The following TCAF2 variants were observed in gnomAD, a reference collection of about 807,000 sequenced individuals.
The protein encoded by TCAF2 is TRPM8 channel associated factor 2.
Under a neutral mutation model 33.9 loss-of-function variants are expected in TCAF2, and 6 were observed. The observed-to-expected ratio is 0.18, with a 90% confidence interval of 0.10 to 0.35. The LOEUF is 0.35. TCAF2 is among the 10% of genes least tolerant of loss of function. The probability of loss-of-function intolerance (pLI) is 1.00; values close to 1 mark genes in which losing one functional copy is unlikely to be tolerated. For synonymous variants in TCAF2, 41 were observed against 247.8 expected (o/e 0.17, Z 7.84); for missense variants, 109 against 604.0 (o/e 0.18, Z 8.59).
At chr7:143,647,950 C>T (rs377270102) in intron 1 of TCAF2, among the ~76,000 whole-genome samples, 35,497 of 129,068 alleles carry the variant, frequency 0.28, 5,241 homozygotes, top group African/African-American at 0.55. Flanking sequence ...GATGGAGTTT[C>T]GCTCTGTCGC....
chr7:143,729,399 A>T lies in TCAF2; in HGVS notation c.*1732A>T, dbSNP rs1431601843. On this transcript the variant is annotated 3_prime_UTR_variant, in exon 8 of 8. Coordinates refer to ENST00000684770, the MANE Select transcript of TCAF2 (RefSeq NM_001363538.2). ...AAACAAAATGTCACCTAGAAAATAG[A>T]TGAAAATATGTTCAACCAGGTCTGG... 1 of 152,186 alleles carries T rather than the reference A, an allele frequency of 6.6e-6. No individual in the cohort carries two copies. The highest frequency in any genetic ancestry group is 2.4e-5 in the African/African-American group (1 of 41,434). 9.4% of individuals were successfully genotyped at this position (152,186 alleles called of 1,614,324 possible).
Position 143,728,845 on chromosome 7 carries a change from G to GTGTA in TCAF2, c.*1181_*1184dup, listed in dbSNP as rs1461722710. The stretch of plus-strand genomic sequence containing the variant: ...GGAGATTTGTCTCTGGGATTAATGA[G>GTGTA]TGTATGCCTAGCTACTTTCTCCAGT... On this transcript the variant is annotated 3_prime_UTR_variant, in exon 8 of 8. Transcript: ENST00000684770. The GTGTA allele has an allele frequency of 3.9e-5, 6 of 152,222 alleles. No homozygotes were observed. The highest frequency in any genetic ancestry group is 1.4e-4 in the African/African-American group (6 of 41,460). 9.4% of individuals were successfully genotyped at this position (152,222 alleles called of 1,614,324 possible).
Position 143,724,673 on chromosome 7 carries a change from G to GA in TCAF2, c.2482dup (p.Thr828AsnfsTer24). 1 of 1,607,214 alleles carries GA rather than the reference G, an allele frequency of 6.2e-7. No homozygotes were observed. Among genetic ancestry groups the GA allele is most frequent in the Non-Finnish European group, 8.5e-7 (1 of 1,178,222 alleles). ...CCCCCCTGTGTGACTGGAATGTATG[G>GA]ACAGCCCTGGAAACATATCTACAGG... On this transcript the variant is annotated frameshift_variant, in exon 7 of 8. Coordinates refer to ENST00000684770, the MANE Select transcript of TCAF2 (RefSeq NM_001363538.2). LOFTEE classifies it low-confidence loss of function (END_TRUNC).
In TCAF2 at chr7:143,624,707, T is replaced by C. The variant is rs372041859; in HGVS notation, c.-12+3687T>C. Among the ~76,000 whole-genome samples the C allele has an allele frequency of 3.3e-3, 154 of 47,166 alleles. 5 individuals carry two copies. Among genetic ancestry groups the C allele is most frequent in the East Asian group, 8.7e-3 (4 of 462 alleles). 30.9% of individuals were successfully genotyped at this position (47,166 alleles called of 152,430 possible). A position where few individuals can be genotyped will look rare whatever the true frequency, so the allele number is the denominator to read the frequency against. On this transcript the variant is annotated intron_variant, in intron 1 of 7. Transcript: ENST00000684770. ...GCATGAAAGAATATTTGTTTGTTTG[T>C]GTGAGCACCGATTGTTGATCATGCT...
In TCAF2 at chr7:143,728,494, G is replaced by A. The variant is rs149321451; in HGVS notation, c.*827G>A. On this transcript the variant is annotated 3_prime_UTR_variant, in exon 8 of 8. Coordinates refer to ENST00000684770, the MANE Select transcript of TCAF2 (RefSeq NM_001363538.2). ...CTGAGTGTCACAGAGCTGTGAGGTT[G>A]GGTCTTTGGGATTAGCTTCATTTTC... The A allele has an allele frequency of 2.6e-5, 4 of 152,322 alleles. No homozygotes were observed. The highest frequency in any genetic ancestry group is 5.9e-5 in the Non-Finnish European group (4 of 68,062). 9.4% of individuals were successfully genotyped at this position (152,322 alleles called of 1,614,324 possible). A position where few individuals can be genotyped will look rare whatever the true frequency, so the allele number is the denominator to read the frequency against.
chr7:143,701,752 TTTTATTTTAC>T lies in TCAF2; in HGVS notation c.-11-1222_-11-1213del, dbSNP rs1199575261. Reference sequence around the variant, plus strand: ...ATTTTTAGACATATTCTTTGCTTTATTTTATTTTACTTTATTTTATTTTATTTTATTTTAT... The same window carrying T: ...ATTTTTAGACATATTCTTTGCTTTATTTTATTTTATTTTATTTTATTTTAT... On this transcript the variant is annotated intron_variant, in intron 1 of 7. Transcript: ENST00000684770. Among the ~76,000 whole-genome samples, 17 of 85,464 alleles carry T rather than the reference TTTTATTTTAC, an allele frequency of 2.0e-4. 1 individual carries two copies. The highest frequency in any genetic ancestry group is 6.5e-4 in the African/African-American group (14 of 21,386). The allele number at this position is 85,464 out of a possible 152,430, so 56.1% of individuals were successfully genotyped here. A position where few individuals can be genotyped will look rare whatever the true frequency, so the allele number is the denominator to read the frequency against.
intron 1 of TCAF2, among the ~76,000 whole-genome samples, chr7:143,635,214 T>C (rs1808920642): frequency 5.3e-5 from 1 of 18,902 alleles, no homozygotes; most frequent in African/African-American, 1.7e-4. Context: ...TTAGATGTTT[T>C]ACCTTCAATA....
intron 1 of TCAF2, among the ~76,000 whole-genome samples, chr7:143,622,573 C>T (rs537589478): frequency 0.026 from 938 of 36,354 alleles, 113 homozygotes; most frequent in African/African-American, 0.065. Flanking sequence ...TTTTATTTTA[C>T]TTTACTTTAT....
chr7:143,648,557 T>C (rs376422346), intron 1 of TCAF2, among the ~76,000 whole-genome samples: 61,102 of 103,298 alleles, frequency 0.59, 18,387 homozygotes, highest in South Asian at 0.74. Flanking sequence ...GTAGTTCTGA[T>C]CTAGGAACAC....
Position 143,701,747 on chromosome 7 carries a change from CTTTATTTTATTTTACTTTAT to C in TCAF2, c.-11-1222_-11-1203del, listed in dbSNP as rs1563171975. On this transcript the variant is annotated intron_variant, in intron 1 of 7. Coordinates refer to ENST00000684770, the MANE Select transcript of TCAF2 (RefSeq NM_001363538.2). ...AAGGCATTTTTAGACATATTCTTTGCTTTATTTTATTTTACTTTATTTTATTTTATTTTATTTTATTTTAT... is the reference window on the plus strand; with the variant it reads ...AAGGCATTTTTAGACATATTCTTTGCTTTATTTTATTTTATTTTATTTTAT... Among the ~76,000 whole-genome samples, 264 of 86,428 alleles carry C rather than the reference CTTTATTTTATTTTACTTTAT, an allele frequency of 3.1e-3. 20 individuals are homozygous for C. Among genetic ancestry groups the C allele is most frequent in the African/African-American group, 0.011 (247 of 23,316 alleles). The allele number at this position is 86,428 out of a possible 152,430, so 56.7% of individuals were successfully genotyped here.
chr7:143,718,223 CATTT>C (rs1275198899), intron 2 of TCAF2, among the ~76,000 whole-genome samples: 1 of 94,444 alleles, frequency 1.1e-5, no homozygotes, highest in Admixed American at 1.3e-4. Context: ...AAAAATATAA[CATTT>C]AATTTTTAAT....
In TCAF2 at chr7:143,719,734, A is replaced by C; in HGVS notation, c.675A>C (p.Ser225=). The change falls in exon 3 of 8, where the codon TCA becomes TCC. Residue 225 remains serine, a synonymous_variant. Transcript: ENST00000684770. ...AGCAGCAGCTCCTGGAGGGGATCTC[A>C]GAGCTGGACATCAGGACAGGGGGAG... The part of the protein sequence containing the change: ...QDQQQLLEGI[S]ELDIRTGGVP... 1.5e-6 allele frequency: 1 copy of C among 682,924 alleles called. No homozygotes were observed. 42.3% of individuals were successfully genotyped at this position (682,924 alleles called of 1,614,324 possible).
rs542728413 is a variant in TCAF2, at chr7:143,728,169, A to G, written c.*502A>G. ...GTGTTTCTGTCTTCACATCCATGACATGAGGATACAAATCTTTTCCTCACA... is the reference window on the plus strand; with the variant it reads ...GTGTTTCTGTCTTCACATCCATGACGTGAGGATACAAATCTTTTCCTCACA... On this transcript the variant is annotated 3_prime_UTR_variant, in exon 8 of 8. Transcript: ENST00000684770. 1.3e-3 allele frequency: 237 copies of G among 186,680 alleles called. 1 individual carries two copies. Among genetic ancestry groups the G allele is most frequent in the African/African-American group, 5.4e-3 (227 of 41,894 alleles). The allele number at this position is 186,680 out of a possible 1,614,324, so 11.6% of individuals were successfully genotyped here.
At position 143,650,024 on chromosome 7, in the gene TCAF2, T is replaced by G. The variant is rs181757832; in HGVS notation, c.-12+29004T>G. Among the ~76,000 whole-genome samples, 217 of 61,244 alleles carry G rather than the reference T, an allele frequency of 3.5e-3. 15 individuals are homozygous for G. The highest frequency in any genetic ancestry group is 7.8e-3 in the African/African-American group (211 of 26,920). 40.2% of individuals were successfully genotyped at this position (61,244 alleles called of 152,430 possible). A position where few individuals can be genotyped will look rare whatever the true frequency, so the allele number is the denominator to read the frequency against. On this transcript the variant is annotated intron_variant, in intron 1 of 7. Coordinates refer to ENST00000684770, the MANE Select transcript of TCAF2 (RefSeq NM_001363538.2). Reference sequence around the variant, plus strand: ...CTGGGAGAGTCTGTGGTCCCCATTTTTCCGCTGAGCAAACCACAGGCTTGT... The same window carrying G: ...CTGGGAGAGTCTGTGGTCCCCATTTGTCCGCTGAGCAAACCACAGGCTTGT...
At chr7:143,722,144 A>ATTTTTTAATGATACG (rs1809577531) in intron 4 of TCAF2, among the ~76,000 whole-genome samples, 1 of 18,300 alleles carries the variant, frequency 5.5e-5, no homozygotes, top group African/African-American at 1.8e-4. Context: ...ACCTAAGAAA[A>ATTTTTTAATGATACG]GCAACTCCAG....
chr7:143,707,614 GA>G, intron 2 of TCAF2, among the ~76,000 whole-genome samples: 1 of 127,244 alleles, frequency 7.9e-6, no homozygotes, highest in South Asian at 2.7e-4. Context: ...TGAAAACCTG[GA>G]AAGGCAAATT....
chr7:143,730,196 A>C lies in TCAF2; in HGVS notation c.*2529A>C, dbSNP rs1196337673. On this transcript the variant is annotated 3_prime_UTR_variant, in exon 8 of 8. Coordinates refer to ENST00000684770, the MANE Select transcript of TCAF2 (RefSeq NM_001363538.2). ...AGGAATCATCACATTGTCTTCCACA[A>C]TGGTTGAACTAATTTACACTCCCAA... 2 of 152,116 alleles carry C rather than the reference A, an allele frequency of 1.3e-5. No homozygotes were observed. Among genetic ancestry groups the C allele is most frequent in the African/African-American group, 4.8e-5 (2 of 41,414 alleles). 9.4% of individuals were successfully genotyped at this position (152,116 alleles called of 1,614,324 possible).
rs1369176953 is a variant in TCAF2 at position 143,712,404 on chromosome 7, A to G, written c.624-7279A>G. The stretch of plus-strand genomic sequence containing the variant: ...AATATGTAACTTGGCATGCTGATGC[A>G]CAGGTACTCACATACTCGAGAGGCT... On this transcript the variant is annotated intron_variant, in intron 2 of 7. Coordinates refer to ENST00000684770, the MANE Select transcript of TCAF2 (RefSeq NM_001363538.2). Among the ~76,000 whole-genome samples the G allele has an allele frequency of 2.0e-5, 2 of 98,432 alleles. 1 individual carries two copies. The highest frequency in any genetic ancestry group is 5.9e-4 in the East Asian group (2 of 3,406). 64.6% of individuals were successfully genotyped at this position (98,432 alleles called of 152,430 possible). A position where few individuals can be genotyped will look rare whatever the true frequency, so the allele number is the denominator to read the frequency against.
At chr7:143,721,954 ACT>A (rs1221846341) in intron 4 of TCAF2, among the ~76,000 whole-genome samples, 1 of 86,038 alleles carries the variant, frequency 1.2e-5, no homozygotes, top group Non-Finnish European at 2.3e-5. Flanking sequence ...TTCTGCACAA[ACT>A]CTGGTTTTAT....
Sources: allele counts gnomAD v4.1 joint callset (sites outside exome capture counted in the v4.1 genomes callset), GRCh38; gene constraint gnomAD v4.1.1; transcripts MANE v1.5; gene names NCBI Gene and HGNC (gene_info 2026-07-23, HGNC 2026-07-21).